The following IQGAP3 variants were observed in gnomAD, a reference collection of about 807,000 sequenced individuals.
IQGAP3 encodes the protein ras GTPase-activating-like protein IQGAP3.
Under a neutral mutation model 208.2 loss-of-function variants are expected in IQGAP3, and 165 were observed. The ratio of observed to expected loss-of-function variants is 0.79; its 90% CI spans 0.70 to 0.90. The LOEUF (loss-of-function observed/expected upper bound fraction) is 0.90, where lower values mean the gene tolerates loss of function less well. Among genes scored for constraint, IQGAP3 ranks in the 40% least tolerant of loss-of-function variants. IQGAP3 has a pLI of 0.00. For synonymous variants in IQGAP3, 703 were observed against 803.6 expected, an observed-to-expected ratio of 0.87 and a Z score of 2.12; for missense variants, 1,811 against 2,043.1, an observed-to-expected ratio of 0.89 and a Z score of 2.19.
intron 36 of IQGAP3, 100 bp from the exon 37 acceptor site, chr1:156,528,160 TC>T: frequency 1.1e-6 from 1 of 886,080 alleles, no homozygotes; most frequent in Non-Finnish European, 1.8e-6. Context: ...AGCGGTGTCA[TC>T]CAGAACCAGT....
intron 22 of IQGAP3, 28 bp downstream of exon 22, chr1:156,543,953 G>C (rs1385778313): frequency 3.1e-6 from 5 of 1,603,374 alleles, no homozygotes; most frequent in African/African-American, 1.3e-5. Flanking sequence ...CCTCCCAACA[G>C]CTGGGGAGGG....
Position 156,563,162 on chromosome 1 carries a change from A to T in IQGAP3, c.770T>A (p.Met257Lys), listed in dbSNP as rs1458796743. ...GTTCCTGGCATTGGCTGCCTTCTCC[A>T]TCTTGGCCTGGGCCAGCATCTCTTG... ...VYQEMLAQAK[M>K]EKAANARNHD... is the part of the protein sequence containing the mutation. Residue 257 changes from methionine to lysine, a missense_variant, in exon 8 of 38, where the codon ATG becomes AAG. By Grantham distance (95) the Met-to-Lys change is moderately conservative (BLOSUM62 -1). Coordinates refer to ENST00000361170, the MANE Select transcript of IQGAP3 (RefSeq NM_178229.5). 5.0e-6 allele frequency: 8 copies of T among 1,608,378 alleles called. No individual in the cohort carries two copies. In the Admixed American group the frequency reaches 6.7e-5, roughly 13 times the overall value.
Position 156,539,511 on chromosome 1 carries a change from C to T in IQGAP3, c.2919G>A (p.Leu973=). The T allele has an allele frequency of 6.2e-7, 1 of 1,614,206 alleles. No homozygotes were observed. Among genetic ancestry groups the T allele is most frequent in the Middle Eastern group, 1.6e-4 (1 of 6,062 alleles). The part of the protein sequence containing the change: ...LQTQPIYLAK[L]IFQMPQNKTT... Reference sequence around the variant, plus strand: ...TTTTGTTCTGTGGCATCTGAAAGATCAGCTTGGCCAGGTAGATGGGCTGAG... The same window carrying T: ...TTTTGTTCTGTGGCATCTGAAAGATTAGCTTGGCCAGGTAGATGGGCTGAG... Residue 973 remains leucine (L), a synonymous_variant, in exon 25 of 38, where the codon CTG becomes CTA. Transcript: ENST00000361170.
chr1:156,554,439 C>A, intron 12 of IQGAP3, 47 bp from the exon 13 acceptor site: 1 of 1,526,088 alleles, frequency 6.6e-7, no homozygotes, highest in South Asian at 1.3e-5. Context: ...GGTGAAGGGT[C>A]TAAAGGCCTA....
intron 4 of IQGAP3, among the ~76,000 whole-genome samples, chr1:156,565,637 T>C (rs1676368430): frequency 6.6e-6 from 1 of 152,186 alleles, no homozygotes; most frequent in East Asian, 1.9e-4. Context: ...AGTGAAATCA[T>C]GTGTCCAGTT....
chr1:156,529,803 C>G (rs922497727), intron 34 of IQGAP3, among the ~76,000 whole-genome samples: 1 of 150,198 alleles, frequency 6.7e-6, no homozygotes, highest in Non-Finnish European at 1.5e-5. Context: ...CACCTGTAAT[C>G]CCAGCTACTT....
In IQGAP3 at chr1:156,554,314, G is replaced by A. The variant is rs767495280; in HGVS notation, c.1369C>T (p.Arg457Trp). 15 of 1,614,002 alleles carry A rather than the reference G, an allele frequency of 9.3e-6. No homozygotes were observed. Among genetic ancestry groups the A allele is most frequent in the African/African-American group, 1.3e-5 (1 of 74,936 alleles). ...CTGCTCCAGAAGCCACTGGCATCCC[G>A]GGCCTCCAGGGCCCGGTTAATCAGG... ...VVLINRALEA[R>W]DASGFWSSLV... The change falls in exon 13 of 38, where the codon CGG becomes TGG. Residue 457 changes from arginine to tryptophan, a missense_variant. Transcript: ENST00000361170.
At chr1:156,528,164 G>T in intron 36 of IQGAP3, 104 bp from the exon 37 acceptor site, 1 of 859,704 alleles carries the variant, frequency 1.2e-6, no homozygotes, top group East Asian at 2.5e-5. Flanking sequence ...GTGTCATCCA[G>T]AACCAGTTTT....
intron 15 of IQGAP3, among the ~76,000 whole-genome samples, chr1:156,551,147 T>C (rs1173906059): frequency 6.6e-6 from 1 of 152,164 alleles, no homozygotes; most frequent in East Asian, 1.9e-4. Flanking sequence ...TTACACCCCA[T>C]AACTATGAGA....
intron 11 of IQGAP3, among the ~76,000 whole-genome samples, chr1:156,560,356 C>G (rs1256352760): frequency 6.6e-6 from 1 of 152,058 alleles, no homozygotes; most frequent in Non-Finnish European, 1.5e-5. Flanking sequence ...ACTAAAAATA[C>G]CAAAATTAGT....
chr1:156,534,694 C>T lies in IQGAP3; in HGVS notation c.3547G>A (p.Ala1183Thr), dbSNP rs763776069. 1.2e-6 allele frequency: 2 copies of T among 1,607,298 alleles called. No homozygotes were observed. The highest frequency in any genetic ancestry group is 2.7e-5 in the African/African-American group (2 of 74,752). The change falls in exon 29 of 38, where the codon GCT (alanine) becomes ACT (threonine). Residue 1183 changes from alanine (A) to threonine (T), a missense_variant. Transcript: ENST00000361170. ...TCGAAGGCGTCAGGAGCCACCACAG[C>T]TGGGTTCAGGAAGCGGTAGTACAGG... ...NLLYYRFLNP[A>T]VVAPDAFDIV... is the part of the protein sequence containing the mutation.
At chr1:156,564,884 T>C (rs1676331709) in intron 4 of IQGAP3, among the ~76,000 whole-genome samples, 193 bp from the exon 5 acceptor site, 1 of 152,134 alleles carries the variant, frequency 6.6e-6, no homozygotes, top group African/African-American at 2.4e-5. Context: ...TGAGGATGCA[T>C]ACTAAGCCAA....
Position 156,539,504 on chromosome 1 carries a change from G to A in IQGAP3, c.2926C>T (p.Gln976Ter). The change falls in exon 25 of 38, where the codon CAG (glutamine) becomes TAG (stop). Residue 976 changes from glutamine (Q) to a stop codon, truncating the protein, a stop_gained. Transcript: ENST00000361170. LOFTEE classifies it high-confidence loss of function. ...QPIYLAKLIF[Q>*]MPQNKTTKFM... ...TTGGTGGTTTTGTTCTGTGGCATCTGAAAGATCAGCTTGGCCAGGTAGATG... is the reference window on the plus strand; with the variant it reads ...TTGGTGGTTTTGTTCTGTGGCATCTAAAAGATCAGCTTGGCCAGGTAGATG... The A allele has an allele frequency of 6.2e-7, 1 of 1,614,224 alleles. No individual in the cohort carries two copies. Among genetic ancestry groups the A allele is most frequent in the Non-Finnish European group, 8.5e-7 (1 of 1,180,044 alleles).
chr1:156,555,870 C>A (rs938125818), intron 12 of IQGAP3, among the ~76,000 whole-genome samples: 1 of 152,218 alleles, frequency 6.6e-6, no homozygotes, highest in African/African-American at 2.4e-5. Context: ...TGTACATAGT[C>A]ATTCCTATGT....
intron 2 of IQGAP3, 50 bp downstream of exon 2, chr1:156,569,326 G>T: frequency 8.3e-7 from 1 of 1,211,360 alleles, no homozygotes; most frequent in Non-Finnish European, 1.2e-6. Flanking sequence ...CTAGGGTGGG[G>T]TGGTAGAAAG....
Position 156,525,840 on chromosome 1 carries a change from T to C in IQGAP3, c.*646A>G, listed in dbSNP as rs1036139337. On this transcript the variant is annotated 3_prime_UTR_variant, in exon 38 of 38. Transcript: ENST00000361170. ...AGAATAAATACCCTAGTGACCCACATATTAAACAGACCACAGACAAGAGAA... is the reference window on the plus strand; with the variant it reads ...AGAATAAATACCCTAGTGACCCACACATTAAACAGACCACAGACAAGAGAA... 5 of 149,974 alleles carry C rather than the reference T, an allele frequency of 3.3e-5. No individual in the cohort carries two copies. Among genetic ancestry groups the C allele is most frequent in the African/African-American group, 1.2e-4 (5 of 40,642 alleles). 9.3% of individuals were successfully genotyped at this position (149,974 alleles called of 1,614,324 possible). A position where few individuals can be genotyped will look rare whatever the true frequency, so the allele number is the denominator to read the frequency against.
At chr1:156,568,710 A>G (rs1047221930) in intron 2 of IQGAP3, among the ~76,000 whole-genome samples, 3 of 152,178 alleles carry the variant, frequency 2.0e-5, no homozygotes, top group Non-Finnish European at 4.4e-5. Flanking sequence ...TTTTGTAAAG[A>G]TGGGGTTTCG....
At position 156,538,865 on chromosome 1, in the gene IQGAP3, A is replaced by G. The variant is rs1156581313; in HGVS notation, c.3225T>C (p.Pro1075=). 2 of 1,614,192 alleles carry G rather than the reference A, an allele frequency of 1.2e-6. No homozygotes were observed. The highest frequency in any genetic ancestry group is 1.7e-6 in the Non-Finnish European group (2 of 1,180,034). The change falls in exon 26 of 38, where the codon CCT becomes CCC. Residue 1075 remains proline, a synonymous_variant. Transcript: ENST00000361170. ...TGATCCAGTTCTTATAGAGGTGGAC[A>G]GGGTCTGTGTGGACGCTGAGCACTT... The part of the protein sequence containing the change: ...EDKVLSVHTD[P]VHLYKNWINQ...
chr1:156,548,923 G>A (rs879044465), intron 16 of IQGAP3, among the ~76,000 whole-genome samples, 175 bp from the exon 17 acceptor site: 7 of 152,248 alleles, frequency 4.6e-5, no homozygotes, highest in African/African-American at 1.4e-4. Context: ...GCAGCAGCAT[G>A]CAACTGTGCT....
Sources: allele counts gnomAD v4.1 joint callset (sites outside exome capture counted in the v4.1 genomes callset), GRCh38; gene constraint gnomAD v4.1.1; transcripts MANE v1.5; gene names NCBI Gene and HGNC (gene_info 2026-07-23, HGNC 2026-07-21).